Variants in SNTG1 observed in about 807,000 individuals in gnomAD.
SNTG1 encodes gamma-1-syntrophin.
Under a neutral mutation model 74.7 loss-of-function variants are expected in SNTG1, and 39 were observed. That is an observed-to-expected ratio of 0.52 (90% confidence interval 0.40 to 0.68). The LOEUF (loss-of-function observed/expected upper bound fraction) is 0.68. Among genes scored for constraint, SNTG1 ranks in the 30% least tolerant of loss-of-function variants. The pLI is 0.00. For missense variants in SNTG1, 685 were observed against 609.5 expected, an observed-to-expected ratio of 1.12 and a Z score of -1.30; for synonymous variants, 254 against 217.1, an observed-to-expected ratio of 1.17 and a Z score of -1.49.
At chr8:50,247,712 CTG>C (rs1373843403) in intron 2 of SNTG1, among the ~76,000 whole-genome samples, 52 of 151,346 alleles carry the variant, frequency 3.4e-4, no homozygotes, top group Non-Finnish European at 7.2e-4. Flanking sequence ...TTTGTAGAGA[CTG>C]GGTCTTGTCA....
At chr8:49,977,685 T>C (rs1436298986) in intron 1 of SNTG1, among the ~76,000 whole-genome samples, 1 of 152,024 alleles carries the variant, frequency 6.6e-6, no homozygotes, top group Non-Finnish European at 1.5e-5. Context: ...AAGGAGACAA[T>C]AAATAAATAA....
At chr8:50,403,700 A>G (rs2092834301) in intron 4 of SNTG1, among the ~76,000 whole-genome samples, 1 of 152,230 alleles carries the variant, frequency 6.6e-6, no homozygotes, top group African/African-American at 2.4e-5. Context: ...TAATGAAGAG[A>G]ATTAAGGAGA....
intron 1 of SNTG1, among the ~76,000 whole-genome samples, chr8:50,101,286 G>A (rs574794060): frequency 6.6e-6 from 1 of 152,148 alleles, no homozygotes; most frequent in South Asian, 2.1e-4. Flanking sequence ...ATTCCTTTGA[G>A]TATATAGTCA....
chr8:50,205,231 G>T (rs1257774196), intron 2 of SNTG1, among the ~76,000 whole-genome samples: 1 of 152,166 alleles, frequency 6.6e-6, no homozygotes, highest in Non-Finnish European at 1.5e-5. Context: ...TCCAGCACCT[G>T]TTGTTTCCTG....
At chr8:50,626,259 G>T (rs947442892) in intron 13 of SNTG1, among the ~76,000 whole-genome samples, 1 of 152,116 alleles carries the variant, frequency 6.6e-6, no homozygotes, top group Admixed American at 6.6e-5. Context: ...AATATTTGTT[G>T]CAGGCAGTTA....
intron 1 of SNTG1, among the ~76,000 whole-genome samples, chr8:50,042,974 T>C (rs1374182463): frequency 2.0e-5 from 3 of 152,118 alleles, no homozygotes; most frequent in African/African-American, 7.3e-5. Flanking sequence ...GCATGAGCCA[T>C]TGAGTAATAA....
chr8:50,244,170 A>G (rs923557533), intron 2 of SNTG1, among the ~76,000 whole-genome samples: 5 of 152,094 alleles, frequency 3.3e-5, no homozygotes, highest in African/African-American at 1.2e-4. Context: ...GGGGAGTACC[A>G]TAATTTACAA....
In SNTG1 at chr8:50,237,311, A is replaced by G. The variant is rs185293801; in HGVS notation, c.-28+64676A>G. On this transcript the variant is annotated intron_variant, in intron 2 of 18. Coordinates refer to ENST00000642720, the MANE Select transcript of SNTG1 (RefSeq NM_018967.5). ...ATTTGTAATTGGAGCTCTAAGGTTG[A>G]TAAAATTCGGGTTCCATTATTTTTG... Among the ~76,000 whole-genome samples, 3 of 152,240 alleles carry G rather than the reference A, an allele frequency of 2.0e-5. No homozygotes were observed. In the East Asian group the frequency reaches 5.8e-4, roughly 30 times the overall value.
At chr8:50,173,276 C>A (rs958885705) in intron 2 of SNTG1, among the ~76,000 whole-genome samples, 1 of 152,142 alleles carries the variant, frequency 6.6e-6, no homozygotes, top group Admixed American at 6.6e-5. Context: ...AGGAATCATA[C>A]ACTATTTGTT....
intron 1 of SNTG1, among the ~76,000 whole-genome samples, chr8:50,109,082 A>G (rs1319900059): frequency 6.6e-6 from 1 of 152,164 alleles, no homozygotes; most frequent in Non-Finnish European, 1.5e-5. Context: ...CACCATTTCC[A>G]TTGACAACAG....
At chr8:50,202,331 T>C (rs896211233) in intron 2 of SNTG1, among the ~76,000 whole-genome samples, 26 of 152,280 alleles carry the variant, frequency 1.7e-4, no homozygotes, top group African/African-American at 6.0e-4. Flanking sequence ...TCTCCTGTGC[T>C]TCCTTCCTCT....
At chr8:50,521,159 T>C (rs994889194) in intron 9 of SNTG1, among the ~76,000 whole-genome samples, 1 of 152,068 alleles carries the variant, frequency 6.6e-6, no homozygotes, top group Non-Finnish European at 1.5e-5. Context: ...CTCAGTAGAC[T>C]AACACAGGAA....
At chr8:50,660,295 AAGAG>A (rs1363891839) in intron 15 of SNTG1, among the ~76,000 whole-genome samples, 1 of 150,440 alleles carries the variant, frequency 6.6e-6, no homozygotes, top group Non-Finnish European at 1.5e-5. Context: ...AGAAGAAAGA[AAGAG>A]AAAGAAAGAG....
chr8:50,707,133 A>T (rs2095445951), intron 16 of SNTG1, among the ~76,000 whole-genome samples: 1 of 152,068 alleles, frequency 6.6e-6, no homozygotes, highest in African/African-American at 2.4e-5. Flanking sequence ...AATTTATAGC[A>T]CATCTATTTG....
intron 1 of SNTG1, among the ~76,000 whole-genome samples, chr8:50,096,677 A>T (rs1330786509): frequency 6.6e-6 from 1 of 152,208 alleles, no homozygotes; most frequent in Non-Finnish European, 1.5e-5. Flanking sequence ...GAACTAAAAT[A>T]GGAGATACAT....
At chr8:50,720,609 A>C (rs942420342) in intron 17 of SNTG1, among the ~76,000 whole-genome samples, 2 of 152,206 alleles carry the variant, frequency 1.3e-5, no homozygotes, top group African/African-American at 4.8e-5. Context: ...GGATAATGCC[A>C]AATAGAAATA....
chr8:50,658,079 A>G (rs1032320727), intron 14 of SNTG1, among the ~76,000 whole-genome samples: 20 of 152,160 alleles, frequency 1.3e-4, no homozygotes, highest in Non-Finnish European at 2.4e-4. Context: ...ACTCTGAATA[A>G]TTTATTTGAC....
chr8:49,925,323 T>G (rs1806925326), intron 1 of SNTG1, among the ~76,000 whole-genome samples: 1 of 152,220 alleles, frequency 6.6e-6, no homozygotes, highest in Admixed American at 6.5e-5. Context: ...TGATAACATC[T>G]TACATAATTG....
At chr8:50,316,375 G>A (rs573932116) in intron 2 of SNTG1, among the ~76,000 whole-genome samples, 7 of 152,252 alleles carry the variant, frequency 4.6e-5, no homozygotes, top group Non-Finnish European at 1.0e-4. Context: ...ATGTTTTGAT[G>A]TACTTGAATT....
Sources: gnomAD v4.1 joint callset for allele counts (sites outside exome capture counted in the v4.1 genomes callset) on GRCh38, gnomAD v4.1.1 for gene constraint, MANE v1.5 for transcripts, NCBI Gene and HGNC (gene_info 2026-07-23, HGNC 2026-07-21) for gene names.